The following HHIPL1 variants were observed in gnomAD, a reference collection of about 807,000 sequenced individuals.
HHIPL1 encodes HHIP-like protein 1.
A neutral mutation model predicts 61.8 loss-of-function variants in HHIPL1; 43 were observed. The observed-to-expected ratio is 0.70, with a 90% CI of 0.55 to 0.90. The LOEUF (loss-of-function observed/expected upper bound fraction) is 0.90, where lower values mean the gene tolerates loss of function less well. Among genes scored for constraint, HHIPL1 ranks in the 40% least tolerant of loss-of-function variants. The probability of loss-of-function intolerance (pLI) is 0.00; values close to 1 mark genes in which losing one functional copy is unlikely to be tolerated. For synonymous variants in HHIPL1, 482 were observed against 515.8 expected (o/e 0.93, Z 0.89); for missense variants, 1,056 against 1,157.7 (o/e 0.91, Z 1.28).
upstream of HHIPL1, among the ~76,000 whole-genome samples, chr14:99,640,877 C>CTTTTTTTTTTTTTTTTTTTT (rs59137552): frequency 7.2e-5 from 5 of 69,872 alleles, no homozygotes; most frequent in Non-Finnish European, 1.3e-4. Flanking sequence ...ACTTCTTCTT[C>CTTTTTTTTTTTTTTTTTTTT]TTTTTTTTTT....
rs562413387 is a variant in HHIPL1 at position 99,663,017 on chromosome 14, G to A, written c.1644G>A (p.Glu548=). ...ACATCATCTCCTTCGGGGAGGACGAGGCCGGTGAGCACTCCTGAGACCTCT... is the reference window on the plus strand; with the variant it reads ...ACATCATCTCCTTCGGGGAGGACGAAGCCGGTGAGCACTCCTGAGACCTCT... ...YPYIISFGED[E]AGELYFMSTG... Residue 548 remains glutamate, a synonymous_variant, in exon 6 of 9, where the codon GAG becomes GAA. Transcript: ENST00000330710. The A allele has an allele frequency of 1.2e-6, 2 of 1,604,138 alleles. No homozygotes were observed. Among genetic ancestry groups the A allele is most frequent in the South Asian group, 2.3e-5 (2 of 88,452 alleles).
chr14:99,652,960 AT>A (rs2055965143), intron 2 of HHIPL1, 90 bp downstream of exon 2: 1 of 1,284,762 alleles, frequency 7.8e-7, no homozygotes, highest in Admixed American at 2.4e-5. Flanking sequence ...GTTCTCACAT[AT>A]TGTGAATATT....
chr14:99,652,444 C>T lies in HHIPL1; in HGVS notation c.476C>T (p.Pro159Leu), dbSNP rs1229897093. Reference sequence around the variant, plus strand: ...CTGGATGACACGGACTACTGCTTCCCTTACCTGCTGGTCAACAAGAACCTC... The same window carrying T: ...CTGGATGACACGGACTACTGCTTCCTTTACCTGCTGGTCAACAAGAACCTC... ...LSLDDTDYCF[P>L]YLLVNKNLNS... The change falls in exon 2 of 9, where the codon CCT (proline) becomes CTT (leucine). Residue 159 changes from proline (P) to leucine (L), a missense_variant. Pro to Leu is a moderately conservative substitution (Grantham distance 98, BLOSUM62 -3). Coordinates refer to ENST00000330710, the MANE Select transcript of HHIPL1 (RefSeq NM_001127258.3). The T allele has an allele frequency of 1.9e-6, 3 of 1,614,182 alleles. No individual in the cohort carries two copies. Among genetic ancestry groups the T allele is most frequent in the Non-Finnish European group, 2.5e-6 (3 of 1,180,044 alleles).
chr14:99,608,398 T>C, the HHIPL1 span, among the ~76,000 whole-genome samples: 1 of 152,324 alleles, frequency 6.6e-6, no homozygotes, highest in African/African-American at 2.4e-5. Flanking sequence ...AATAAACCTA[T>C]GAGGAGGTGT....
chr14:99,653,736 C>A (rs2055979227), intron 2 of HHIPL1, among the ~76,000 whole-genome samples: 1 of 152,344 alleles, frequency 6.6e-6, no homozygotes, highest in African/African-American at 2.4e-5. Flanking sequence ...AGCCTGCACT[C>A]TGTGGATGAT....
the HHIPL1 span, among the ~76,000 whole-genome samples, chr14:99,631,110 C>CTT: frequency 1.5e-4 from 13 of 89,526 alleles, no homozygotes; most frequent in East Asian, 1.0e-3. Flanking sequence ...CTTTCTTTCT[C>CTT]TCTCTTTCTT....
the HHIPL1 span, among the ~76,000 whole-genome samples, chr14:99,612,140 C>G: frequency 6.6e-6 from 1 of 152,190 alleles, no homozygotes; most frequent in African/African-American, 2.4e-5. Context: ...GCCAGGGAAG[C>G]CTCAGGAAAC....
At chr14:99,611,873 G>T in the HHIPL1 span, among the ~76,000 whole-genome samples, 6 of 152,102 alleles carry the variant, frequency 3.9e-5, no homozygotes, top group Non-Finnish European at 7.3e-5. Context: ...ACACAGGTTG[G>T]CTAGACAGTG....
the HHIPL1 span, among the ~76,000 whole-genome samples, chr14:99,629,727 T>A: frequency 9.2e-5 from 14 of 152,306 alleles, no homozygotes; most frequent in African/African-American, 3.4e-4. Flanking sequence ...GGTCTCGAAC[T>A]CTTGACCTCA....
Position 99,680,534 on chromosome 14 carries a change from G to A in HHIPL1, c.*4908G>A, listed in dbSNP as rs1210508357. 1 of 151,840 alleles carries A rather than the reference G, an allele frequency of 6.6e-6. No homozygotes were observed. Among genetic ancestry groups the A allele is most frequent in the Non-Finnish European group, 1.5e-5 (1 of 67,984 alleles). 9.4% of individuals were successfully genotyped at this position (151,840 alleles called of 1,614,324 possible). A position where few individuals can be genotyped will look rare whatever the true frequency, so the allele number is the denominator to read the frequency against. On this transcript the variant is annotated 3_prime_UTR_variant, in exon 9 of 9. Coordinates refer to ENST00000330710, the MANE Select transcript of HHIPL1 (RefSeq NM_001127258.3). ...CAAATAGGTAATTTAAAATCTGCTT[G>A]TAGCCATGTTAAAAAAGTAAAACAG...
intron 2 of HHIPL1, among the ~76,000 whole-genome samples, chr14:99,654,242 C>T (rs1424338197): frequency 2.0e-5 from 3 of 151,170 alleles, no homozygotes; most frequent in African/African-American, 4.9e-5. Context: ...GGGAAGGCAG[C>T]GACTCTGAGG....
the HHIPL1 span, among the ~76,000 whole-genome samples, chr14:99,615,218 A>G: frequency 2.0e-5 from 3 of 152,224 alleles, no homozygotes; most frequent in East Asian, 1.9e-4. Flanking sequence ...TATTTCCCAG[A>G]CATCCTTTCT....
chr14:99,632,294 G>A, the HHIPL1 span, among the ~76,000 whole-genome samples: 1 of 152,208 alleles, frequency 6.6e-6, no homozygotes, highest in Non-Finnish European at 1.5e-5. Flanking sequence ...TGCACTCTCA[G>A]AGGTATCTTT....
the HHIPL1 span, among the ~76,000 whole-genome samples, chr14:99,638,940 T>G: frequency 6.6e-6 from 1 of 152,270 alleles, no homozygotes; most frequent in Non-Finnish European, 1.5e-5. Flanking sequence ...TGGCAGGAGC[T>G]CAGGCCATAG....
chr14:99,619,234 A>C, the HHIPL1 span, among the ~76,000 whole-genome samples: 1 of 152,064 alleles, frequency 6.6e-6, no homozygotes, highest in African/African-American at 2.4e-5. Context: ...AGGCTGAGGC[A>C]GGCAGATCAC....
chr14:99,626,265 GGGGTGT>G, the HHIPL1 span, among the ~76,000 whole-genome samples: 10 of 147,126 alleles, frequency 6.8e-5, no homozygotes, highest in African/African-American at 1.5e-4. Flanking sequence ...TGGGTGTAGC[GGGGTGT>G]GTGTGTGTGT....
chr14:99,657,452 A>G (rs2056067403), intron 3 of HHIPL1, among the ~76,000 whole-genome samples: 1 of 152,228 alleles, frequency 6.6e-6, no homozygotes, highest in South Asian at 2.1e-4. Flanking sequence ...GCCTCAGGGC[A>G]GATGGGATTT....
intron 5 of HHIPL1, among the ~76,000 whole-genome samples, chr14:99,661,421 A>AGAAGGAAG (rs11276316): frequency 0.013 from 1,807 of 143,500 alleles, 28 homozygotes; most frequent in East Asian, 0.031. Context: ...GAGAGAGAAA[A>AGAAGGAAG]GAAGGAAGGA....
the HHIPL1 span, among the ~76,000 whole-genome samples, chr14:99,627,726 C>T: frequency 1.3e-5 from 2 of 152,196 alleles, no homozygotes; most frequent in Admixed American, 6.5e-5. This position sits in a 1 kb window ranked among gnomAD's most constrained non-coding sequence, Gnocchi z 4.4. Flanking sequence ...GCGGGGAGCA[C>T]TGGAACAGGC....
Sources: gnomAD v4.1 joint callset for allele counts (sites outside exome capture counted in the v4.1 genomes callset) on GRCh38, gnomAD v4.1.1 for gene constraint, Gnocchi (gnomAD v3.1) non-coding constraint, MANE v1.5 for transcripts, NCBI Gene and HGNC (gene_info 2026-07-23, HGNC 2026-07-21) for gene names.